The following ADAM22 variants were observed in gnomAD, a reference collection of about 807,000 sequenced individuals.
The protein encoded by ADAM22 is disintegrin and metalloproteinase domain-containing protein 22.
In ADAM22, 65 loss-of-function variants were observed where a neutral mutation model predicts 144.6. The ratio of observed to expected loss-of-function variants is 0.45; its 90% CI spans 0.37 to 0.55. The LOEUF (loss-of-function observed/expected upper bound fraction) is 0.55, where lower values mean the gene tolerates loss of function less well. ADAM22 is among the 20% of genes least tolerant of loss of function. ADAM22 has a pLI of 0.00. For synonymous variants in ADAM22, 391 were observed against 412.6 expected (o/e 0.95, Z 0.63); for missense variants, 974 against 1,184.9 (o/e 0.82, Z 2.61).
chr7:87,964,551 A>G, intron 2 of ADAM22: 2 of 367,484 alleles, frequency 5.4e-6, no homozygotes, highest in South Asian at 4.4e-5. Flanking sequence ...TTTGTCTAAC[A>G]GAATAATTTG....
intron 3 of ADAM22, among the ~76,000 whole-genome samples, chr7:88,028,554 A>T (rs1799535464): frequency 6.6e-6 from 1 of 152,062 alleles, no homozygotes; most frequent in East Asian, 1.9e-4. Context: ...TGTCTGGATG[A>T]TCTGTCTAAT....
At chr7:88,109,656 G>A (rs541295994) in intron 5 of ADAM22, among the ~76,000 whole-genome samples, 52 of 151,716 alleles carry the variant, frequency 3.4e-4, no homozygotes, top group African/African-American at 1.2e-3. Context: ...ACAGTCTCAT[G>A]AGGAGGCCAA....
chr7:88,009,173 T>G (rs1353022457), intron 3 of ADAM22, among the ~76,000 whole-genome samples: 1 of 152,194 alleles, frequency 6.6e-6, no homozygotes, highest in Non-Finnish European at 1.5e-5. Flanking sequence ...TCTTAAATAC[T>G]CTGAATTAAT....
At chr7:88,045,888 T>TTG (rs59898382) in intron 3 of ADAM22, among the ~76,000 whole-genome samples, 14,210 of 133,768 alleles carry the variant, frequency 0.11, 1,024 homozygotes, top group African/African-American at 0.21. Context: ...TCGTATTCTA[T>TTG]TGTGTGTGTG....
chr7:88,075,998 C>T (rs543593819), intron 4 of ADAM22, among the ~76,000 whole-genome samples: 1 of 152,086 alleles, frequency 6.6e-6, no homozygotes, highest in South Asian at 2.1e-4. Flanking sequence ...GGCAAAAACC[C>T]CAATTATTTT....
intron 2 of ADAM22, among the ~76,000 whole-genome samples, chr7:87,939,780 A>T (rs966847247): frequency 6.6e-6 from 1 of 152,220 alleles, no homozygotes; most frequent in Non-Finnish European, 1.5e-5. Context: ...ACATAGTCCC[A>T]GAAGTATGTT....
At chr7:88,140,977 G>A (rs1249359963) in intron 14 of ADAM22, among the ~76,000 whole-genome samples, 4 of 152,150 alleles carry the variant, frequency 2.6e-5, no homozygotes, top group Non-Finnish European at 5.9e-5. Context: ...AGGGGGGAGA[G>A]GGTGTGTCAT....
At chr7:88,064,228 T>G (rs2129477381) in intron 3 of ADAM22, among the ~76,000 whole-genome samples, 1 of 152,312 alleles carries the variant, frequency 6.6e-6, no homozygotes, top group Admixed American at 6.5e-5. Flanking sequence ...TAGCTACATA[T>G]GTAGAAAACT....
At chr7:88,186,442 T>G (rs955321220) in intron 29 of ADAM22, 173 bp from the exon 30 acceptor site, 3 of 634,792 alleles carry the variant, frequency 4.7e-6, no homozygotes, top group Non-Finnish European at 8.5e-6. Flanking sequence ...TAGCTGAGAT[T>G]ATTCTCATGT....
chr7:88,173,583 T>TA (rs1406195882), intron 26 of ADAM22, among the ~76,000 whole-genome samples: 1 of 151,998 alleles, frequency 6.6e-6, no homozygotes, highest in Non-Finnish European at 1.5e-5. Flanking sequence ...AAGCATGCAT[T>TA]AAAAAATATT....
chr7:88,113,309 A>G (rs1198546690), intron 5 of ADAM22, among the ~76,000 whole-genome samples: 2 of 151,528 alleles, frequency 1.3e-5, no homozygotes, highest in Admixed American at 1.3e-4. Flanking sequence ...CCTTCAAAAT[A>G]TATCTGGAAT....
chr7:88,138,789 TAAG>T (rs1563303225), intron 14 of ADAM22, among the ~76,000 whole-genome samples: 1 of 152,222 alleles, frequency 6.6e-6, no homozygotes, highest in South Asian at 2.1e-4. Context: ...TTTACATAGT[TAAG>T]AATACAGAAC....
At chr7:88,028,359 C>A (rs1002790304) in intron 3 of ADAM22, among the ~76,000 whole-genome samples, 5 of 152,086 alleles carry the variant, frequency 3.3e-5, no homozygotes, top group African/African-American at 1.2e-4. Context: ...GGTATAATTT[C>A]ATTTTTTTGA....
At chr7:88,032,211 C>A (rs144631806) in intron 3 of ADAM22, among the ~76,000 whole-genome samples, 89 of 152,306 alleles carry the variant, frequency 5.8e-4, no homozygotes, top group East Asian at 3.7e-3. Context: ...GGAAAAGCTG[C>A]AGGTACTCAA....
intron 3 of ADAM22, among the ~76,000 whole-genome samples, chr7:87,990,943 C>T (rs1456609579): frequency 2.6e-5 from 4 of 152,206 alleles, no homozygotes; most frequent in Non-Finnish European, 5.9e-5. Context: ...GGATTGCAGA[C>T]GTGAGCCACC....
chr7:88,074,385 A>T (rs1439209158), intron 3 of ADAM22, among the ~76,000 whole-genome samples: 1 of 152,152 alleles, frequency 6.6e-6, no homozygotes, highest in Non-Finnish European at 1.5e-5. Flanking sequence ...TTCATGTCTT[A>T]CTAGCAAAAT....
intron 3 of ADAM22, among the ~76,000 whole-genome samples, chr7:88,024,918 A>G (rs1798670272): frequency 1.3e-5 from 2 of 152,112 alleles, no homozygotes; most frequent in Admixed American, 1.3e-4. Context: ...TCCATGGTGT[A>G]TATGTGCCAT....
chr7:88,082,778 C>G (rs1817171222), intron 4 of ADAM22, among the ~76,000 whole-genome samples: 1 of 152,032 alleles, frequency 6.6e-6, no homozygotes, highest in South Asian at 2.1e-4. Flanking sequence ...CAAATCAAAA[C>G]CACAATGAGA....
At chr7:88,144,140 G>T (rs562917739) in intron 15 of ADAM22, among the ~76,000 whole-genome samples, 1 of 152,046 alleles carries the variant, frequency 6.6e-6, no homozygotes, top group Non-Finnish European at 1.5e-5. Context: ...AGTGGGTTTT[G>T]TTGTTGTTGT....
Sources: allele counts gnomAD v4.1 joint callset (sites outside exome capture counted in the v4.1 genomes callset), GRCh38; gene constraint gnomAD v4.1.1; transcripts MANE v1.5; gene names NCBI Gene and HGNC (gene_info 2026-07-23, HGNC 2026-07-21).